AGAP1: variants seen among roughly 807,000 people sequenced by gnomAD.
AGAP1 encodes the protein ArfGAP with GTPase domain, ankyrin repeat and PH domain 1.
A neutral mutation model predicts 105.3 loss-of-function variants in AGAP1; 29 were observed. The ratio of observed to expected loss-of-function variants is 0.28; its 90% CI spans 0.21 to 0.38. The LOEUF is 0.38. Ranked by LOEUF, AGAP1 falls within the 10% of genes least tolerant of loss-of-function variation. The pLI is 1.00. For missense variants in AGAP1, 998 were observed against 1,165.1 expected (o/e 0.86, Z 2.09); for synonymous variants, 509 against 485.9 (o/e 1.05, Z -0.63).
chr2:235,807,729 G>A (rs1332116491), intron 9 of AGAP1, among the ~76,000 whole-genome samples: 2 of 152,190 alleles, frequency 1.3e-5, no homozygotes, highest in Non-Finnish European at 2.9e-5. Flanking sequence ...TCTCACAGAC[G>A]GACATCTGAA....
At position 235,551,299 on chromosome 2, in the gene AGAP1, G is replaced by A. The variant is rs767142610; in HGVS notation, c.163+56450G>A. Among the ~76,000 whole-genome samples, 8 of 150,926 alleles carry A rather than the reference G, an allele frequency of 5.3e-5. No individual in the cohort carries two copies. The highest frequency in any genetic ancestry group is 1.0e-4 in the Non-Finnish European group (7 of 68,012). On this transcript the variant is annotated intron_variant, in intron 1 of 17. Coordinates refer to ENST00000304032, the MANE Select transcript of AGAP1 (RefSeq NM_001037131.3). The surrounding 1 kb of genome is among the most constrained non-coding windows in gnomAD (Gnocchi z 4.8). ...TTGATTCTGAAAGGGTGAGGAGAGA[G>A]GGGCTAGACAGATTTTTTTTTTTGA...
At position 235,566,364 on chromosome 2, in the gene AGAP1, C is replaced by T. The variant is rs752594494; in HGVS notation, c.163+71515C>T. 7.9e-5 allele frequency among the ~76,000 whole-genome samples: 12 copies of T among 152,266 alleles called. No individual in the cohort carries two copies. The highest frequency in any genetic ancestry group is 3.9e-4 in the East Asian group (2 of 5,182). ...GATTACAGATATAAGCCATCACGCC[C>T]GGCCTTGTATTATTTTTCAATGCAT... On this transcript the variant is annotated intron_variant, in intron 1 of 17. Coordinates refer to ENST00000304032, the MANE Select transcript of AGAP1 (RefSeq NM_001037131.3). This position sits in a 1 kb window ranked among gnomAD's most constrained non-coding sequence, Gnocchi z 5.2.
chr2:235,650,598 T>G (rs1232625084), intron 1 of AGAP1, among the ~76,000 whole-genome samples: 2 of 152,166 alleles, frequency 1.3e-5, no homozygotes, highest in African/African-American at 4.8e-5. Flanking sequence ...AAGTGGTGCC[T>G]TCTGAGGTCC....
intron 13 of AGAP1, among the ~76,000 whole-genome samples, chr2:235,991,468 G>A (rs115884546): frequency 0.027 from 4,120 of 152,252 alleles, 95 homozygotes; most frequent in South Asian, 0.11. Context: ...CAGTTTCCTC[G>A]GGAGACTGAG....
At chr2:235,669,970 T>A (rs1312379168) in intron 1 of AGAP1, 1 of 221,162 alleles carries the variant, frequency 4.5e-6, no homozygotes, top group Admixed American at 5.9e-5. Flanking sequence ...CCCCGCAGCC[T>A]GAGTGCGGCC....
At position 235,865,374 on chromosome 2, in the gene AGAP1, G is replaced by A. The variant is rs1042515622; in HGVS notation, c.1051-17971G>A. On this transcript the variant is annotated intron_variant, in intron 9 of 17. Coordinates refer to ENST00000304032, the MANE Select transcript of AGAP1 (RefSeq NM_001037131.3). This position sits in a 1 kb window ranked among gnomAD's most constrained non-coding sequence, Gnocchi z 6.2. ...TGTGTGTGGCGCAGCCTTGGGTTCC[G>A]CAAATAGGGCACCCACAGTAACACG... 1.7e-4 allele frequency among the ~76,000 whole-genome samples: 26 copies of A among 152,188 alleles called. No individual in the cohort carries two copies. The highest frequency in any genetic ancestry group is 1.2e-3 in the Admixed American group (18 of 15,282).
At chr2:235,501,520 A>G (rs2149002080) in intron 1 of AGAP1, among the ~76,000 whole-genome samples, 1 of 152,346 alleles carries the variant, frequency 6.6e-6, no homozygotes, top group East Asian at 1.9e-4. Context: ...GAAGTGACTC[A>G]TAAGGGAGAG....
intron 16 of AGAP1, among the ~76,000 whole-genome samples, chr2:236,102,893 T>C (rs2059393538): frequency 6.6e-6 from 1 of 152,218 alleles, no homozygotes; most frequent in Non-Finnish European, 1.5e-5. Flanking sequence ...AGTGTAACTT[T>C]TTTTTCAAAA....
chr2:235,852,469 T>G (rs541301073), intron 9 of AGAP1, among the ~76,000 whole-genome samples: 2 of 152,336 alleles, frequency 1.3e-5, no homozygotes, highest in African/African-American at 4.8e-5. Context: ...TTTGGAGATC[T>G]TTTTAGGAAA....
chr2:235,652,018 G>A (rs533854068), intron 1 of AGAP1, among the ~76,000 whole-genome samples: 9 of 152,066 alleles, frequency 5.9e-5, no homozygotes, highest in South Asian at 2.1e-4. Flanking sequence ...TTGAACGCTC[G>A]ACTTTTTTGA....
intron 9 of AGAP1, among the ~76,000 whole-genome samples, chr2:235,862,535 G>C (rs1305460031): frequency 6.6e-6 from 1 of 152,254 alleles, no homozygotes; most frequent in Non-Finnish European, 1.5e-5. Context: ...AGGTGTTGCA[G>C]ATGCCATCTG....
At chr2:235,832,302 T>C (rs1436058107) in intron 9 of AGAP1, among the ~76,000 whole-genome samples, 1 of 152,228 alleles carries the variant, frequency 6.6e-6, no homozygotes, top group Admixed American at 6.5e-5. Context: ...CTCCTAATAA[T>C]TGTTCTCCTT....
In AGAP1 at chr2:235,549,743, C is replaced by T. The variant is rs956053800; in HGVS notation, c.163+54894C>T. On this transcript the variant is annotated intron_variant, in intron 1 of 17. Coordinates refer to ENST00000304032, the MANE Select transcript of AGAP1 (RefSeq NM_001037131.3). This position sits in a 1 kb window ranked among gnomAD's most constrained non-coding sequence, Gnocchi z 4.2. ...ATTTAAGAGTGCTCTTAGCAGTTCG[C>T]GTTCTATATAGAACTGTTTACACCT... 1.3e-5 allele frequency among the ~76,000 whole-genome samples: 2 copies of T among 152,304 alleles called. No individual in the cohort carries two copies. Among genetic ancestry groups the T allele is most frequent in the Middle Eastern group, 3.4e-3 (1 of 294 alleles).
intron 13 of AGAP1, among the ~76,000 whole-genome samples, chr2:236,026,622 T>G (rs992000274): frequency 1.4e-4 from 21 of 151,850 alleles, no homozygotes; most frequent in African/African-American, 4.8e-4. Flanking sequence ...CCAGCTACTC[T>G]GGAGGCTGAG....
rs2053832374 is a variant in AGAP1 at position 235,953,659 on chromosome 2, T to A, written c.1484-14803T>A. On this transcript the variant is annotated intron_variant, in intron 12 of 17. Coordinates refer to ENST00000304032, the MANE Select transcript of AGAP1 (RefSeq NM_001037131.3). The surrounding 1 kb of genome is among the most constrained non-coding windows in gnomAD (Gnocchi z 5.2). ...GGCCACTGAGCATCTGTAAAGAAAA[T>A]TTTTTCCACGCCTGTAATCTCAGTG... Among the ~76,000 whole-genome samples, 1 of 152,052 alleles carries A rather than the reference T, an allele frequency of 6.6e-6. No homozygotes were observed. Among genetic ancestry groups the A allele is most frequent in the Non-Finnish European group, 1.5e-5 (1 of 68,006 alleles).
In AGAP1 at chr2:235,889,322, T is replaced by C. The variant is rs971377799; in HGVS notation, c.1155+5873T>C. ...ATTGCAGGACACCGTGGGGCTGGTG[T>C]GAGGCTGAAAATGTACCTAGAATGG... On this transcript the variant is annotated intron_variant, in intron 10 of 17. Coordinates refer to ENST00000304032, the MANE Select transcript of AGAP1 (RefSeq NM_001037131.3). This position sits in a 1 kb window ranked among gnomAD's most constrained non-coding sequence, Gnocchi z 4.6. Among the ~76,000 whole-genome samples, 2 of 152,128 alleles carry C rather than the reference T, an allele frequency of 1.3e-5. No individual in the cohort carries two copies. Among genetic ancestry groups the C allele is most frequent in the Non-Finnish European group, 2.9e-5 (2 of 68,026 alleles).
chr2:235,908,614 T>C lies in AGAP1; in HGVS notation c.1156-124T>C. 1 of 792,340 alleles carries C rather than the reference T, an allele frequency of 1.3e-6. No individual in the cohort carries two copies. Among genetic ancestry groups the C allele is most frequent in the Non-Finnish European group, 1.9e-6 (1 of 514,566 alleles). 49.1% of individuals were successfully genotyped at this position (792,340 alleles called of 1,614,324 possible). On this transcript the variant is annotated intron_variant, in intron 10 of 17. Coordinates refer to ENST00000304032, the MANE Select transcript of AGAP1 (RefSeq NM_001037131.3). This position sits in a 1 kb window ranked among gnomAD's most constrained non-coding sequence, Gnocchi z 4.4. ...GATAAAAATCTCATGATTTTTAAAG[T>C]ACTTTCCACAGTGGAAGGGTCATAG...
In AGAP1 at chr2:235,934,549, C is replaced by G. The variant is rs2052894545; in HGVS notation, c.1483+3626C>G. 6.6e-6 allele frequency among the ~76,000 whole-genome samples: 1 copy of G among 152,196 alleles called. No individual in the cohort carries two copies. Among genetic ancestry groups the G allele is most frequent in the Admixed American group, 6.5e-5 (1 of 15,284 alleles). On this transcript the variant is annotated intron_variant, in intron 12 of 17. Coordinates refer to ENST00000304032, the MANE Select transcript of AGAP1 (RefSeq NM_001037131.3). The surrounding 1 kb of genome is among the most constrained non-coding windows in gnomAD (Gnocchi z 4.9). ...AGAAAACGTGTTTATGAATGGATTT[C>G]AAGACTCAGCCTTGGCATAAACATT...
intron 2 of AGAP1, among the ~76,000 whole-genome samples, chr2:235,715,805 A>G (rs930307716): frequency 1.3e-5 from 2 of 152,114 alleles, no homozygotes; most frequent in Admixed American, 1.3e-4. Context: ...CAAGGTGCCC[A>G]GGAGGGAGCG....
Sources: allele counts gnomAD v4.1 joint callset (sites outside exome capture counted in the v4.1 genomes callset), GRCh38; gene constraint gnomAD v4.1.1; non-coding constraint Gnocchi (gnomAD v3.1); transcripts MANE v1.5; gene names NCBI Gene and HGNC (gene_info 2026-07-23, HGNC 2026-07-21).